Variants in SCAI observed in about 807,000 individuals in gnomAD.
SCAI encodes the protein protein SCAI.
A neutral mutation model predicts 92.2 loss-of-function variants in SCAI; 24 were observed. The ratio of observed to expected loss-of-function variants is 0.26; its 90% CI spans 0.19 to 0.37. The LOEUF (loss-of-function observed/expected upper bound fraction) is 0.37. Among genes scored for constraint, SCAI ranks in the 10% least tolerant of loss-of-function variants. SCAI has a pLI of 1.00. For missense variants in SCAI, 450 were observed against 736.2 expected, an observed-to-expected ratio of 0.61 and a Z score of 4.50; for synonymous variants, 261 against 258.6, an observed-to-expected ratio of 1.01 and a Z score of -0.09.
At chr9:125,125,095 C>T (rs1716132979) in intron 2 of SCAI, among the ~76,000 whole-genome samples, 1 of 152,138 alleles carries the variant, frequency 6.6e-6, no homozygotes. Flanking sequence ...GTGGCGCACA[C>T]CTGTAGTCCC....
intron 13 of SCAI, among the ~76,000 whole-genome samples, chr9:124,997,025 T>C (rs376459945): frequency 1.3e-5 from 2 of 152,290 alleles, no homozygotes; most frequent in South Asian, 4.1e-4. Context: ...ATCTCCCTAT[T>C]TTCCCCAATC....
At chr9:124,990,479 C>T (rs1832097085) in intron 14 of SCAI, among the ~76,000 whole-genome samples, 1 of 151,942 alleles carries the variant, frequency 6.6e-6, no homozygotes, top group African/African-American at 2.4e-5. Flanking sequence ...ACACAGCGAG[C>T]CTCCCTCTAA....
intron 2 of SCAI, among the ~76,000 whole-genome samples, chr9:125,075,477 C>T (rs1322795309): frequency 6.6e-6 from 1 of 151,762 alleles, no homozygotes; most frequent in Non-Finnish European, 1.5e-5. Flanking sequence ...CGGCTCACTG[C>T]AACCTCTGCT....
intron 14 of SCAI, among the ~76,000 whole-genome samples, chr9:124,976,671 C>T (rs1463050577): frequency 6.6e-6 from 1 of 152,120 alleles, no homozygotes. Flanking sequence ...AGCTGACACT[C>T]AAACTAAAGT....
At chr9:125,004,431 C>T (rs117026236) in intron 9 of SCAI, among the ~76,000 whole-genome samples, 1,812 of 150,488 alleles carry the variant, frequency 0.012, 92 homozygotes, top group Admixed American at 0.084. Flanking sequence ...CGTGTTCAAA[C>T]GATTCTCCTG....
At chr9:125,021,206 T>C (rs945940049) in intron 6 of SCAI, among the ~76,000 whole-genome samples, 9 of 152,200 alleles carry the variant, frequency 5.9e-5, no homozygotes, top group African/African-American at 2.2e-4. Flanking sequence ...CTAAAGAAAG[T>C]AATAAATGTT....
At chr9:124,986,265 TG>T (rs1469966247) in intron 14 of SCAI, among the ~76,000 whole-genome samples, 1 of 152,112 alleles carries the variant, frequency 6.6e-6, no homozygotes, top group East Asian at 1.9e-4. Flanking sequence ...CACTCCAGCC[TG>T]GGCAACAGAT....
intron 14 of SCAI, among the ~76,000 whole-genome samples, chr9:124,994,236 T>C (rs1009475954): frequency 3.9e-5 from 6 of 152,284 alleles, no homozygotes; most frequent in Admixed American, 2.6e-4. Context: ...GGTTTCTCCA[T>C]GTTGGTTAGG....
intron 15 of SCAI, among the ~76,000 whole-genome samples, chr9:124,973,670 C>CA (rs1236099071): frequency 4.0e-5 from 6 of 151,860 alleles, no homozygotes; most frequent in Non-Finnish European, 5.9e-5. Context: ...CATAAAAATA[C>CA]AAAAAAATTA....
At position 124,997,993 on chromosome 9, in the gene SCAI, C is replaced by T. The variant is rs558634071; in HGVS notation, c.1244+1898G>A. Among the ~76,000 whole-genome samples, 10 of 151,784 alleles carry T rather than the reference C, an allele frequency of 6.6e-5. No homozygotes were observed. In the South Asian group the frequency reaches 1.9e-3, roughly 28 times the overall value. On this transcript the variant is annotated intron_variant, in intron 13 of 17. Transcript: ENST00000336505. ...ATTTTTTTTTAAGTTTTTGTAGAGA[C>T]AGAGTCTCACTAAGTTGCCCAGGAT...
Position 125,024,565 on chromosome 9 carries a change from G to A in SCAI, c.512+2247C>T, listed in dbSNP as rs140159739. Among the ~76,000 whole-genome samples, 553 of 152,242 alleles carry A rather than the reference G, an allele frequency of 3.6e-3. 3 individuals carry two copies. Among genetic ancestry groups the A allele is most frequent in the Middle Eastern group, 0.017 (5 of 294 alleles). ...GCTGGGATTATAGGTGTGAGCCACT[G>A]TACCCGGCCATTTTTTTTAAGCTCT... On this transcript the variant is annotated intron_variant, in intron 6 of 17. Coordinates refer to ENST00000336505, the MANE Select transcript of SCAI (RefSeq NM_001144877.3).
intron 2 of SCAI, among the ~76,000 whole-genome samples, chr9:125,133,001 C>T (rs574851871): frequency 2.0e-5 from 3 of 151,958 alleles, no homozygotes; most frequent in Non-Finnish European, 4.4e-5. Context: ...TCCCATCCAA[C>T]CTATTATTCA....
At chr9:125,015,503 G>C (rs1318960590) in intron 9 of SCAI, among the ~76,000 whole-genome samples, 1 of 152,206 alleles carries the variant, frequency 6.6e-6, no homozygotes, top group Non-Finnish European at 1.5e-5. Flanking sequence ...ACACCAGTTA[G>C]AATGGCAATC....
intron 2 of SCAI, among the ~76,000 whole-genome samples, chr9:125,124,831 T>C (rs16927879): frequency 0.023 from 3,530 of 152,222 alleles, 146 homozygotes; most frequent in African/African-American, 0.081. Flanking sequence ...GAAAAAGAGT[T>C]TAAAGCCTGG....
rs145322634 is a variant in SCAI at position 124,963,704 on chromosome 9, C to T, written c.1674+7666G>A. 4.1e-3 allele frequency among the ~76,000 whole-genome samples: 558 copies of T among 135,182 alleles called. 4 individuals carry two copies. The highest frequency in any genetic ancestry group is 0.011 in the Middle Eastern group (3 of 262). The allele number at this position is 135,182 out of a possible 152,430, so 88.7% of individuals were successfully genotyped here. On this transcript the variant is annotated intron_variant, in intron 17 of 17. Transcript: ENST00000336505. Reference sequence around the variant, plus strand: ...GGTGCAGGTTGCAGTGAGCTGAGATCGCGCCACTGTGCTCCAGCCTTCCAA... The same window carrying T: ...GGTGCAGGTTGCAGTGAGCTGAGATTGCGCCACTGTGCTCCAGCCTTCCAA...
intron 14 of SCAI, among the ~76,000 whole-genome samples, chr9:124,992,981 T>A (rs543916872): frequency 1.3e-5 from 2 of 152,344 alleles, no homozygotes; most frequent in South Asian, 4.1e-4. Context: ...TGCTGAGAAG[T>A]GGTATCCAAT....
At chr9:125,072,715 C>A (rs919111481) in intron 2 of SCAI, among the ~76,000 whole-genome samples, 1 of 152,160 alleles carries the variant, frequency 6.6e-6, no homozygotes, top group Non-Finnish European at 1.5e-5. Context: ...TAGCCCCTGG[C>A]AGCCACCAAT....
intron 4 of SCAI, 146 bp from the exon 5 acceptor site, chr9:125,028,624 A>C: frequency 2.2e-6 from 1 of 454,222 alleles, no homozygotes; most frequent in South Asian, 4.3e-5. Context: ...CATTCCATTA[A>C]ATTTAAAAAG....
chr9:125,003,017 T>A, intron 11 of SCAI, 97 bp downstream of exon 11: 1 of 735,396 alleles, frequency 1.4e-6, no homozygotes. Context: ...TTTTATATTT[T>A]ACCTAAACTC....
Sources: gnomAD v4.1 joint callset for allele counts (sites outside exome capture counted in the v4.1 genomes callset) on GRCh38, gnomAD v4.1.1 for gene constraint, MANE v1.5 for transcripts, NCBI Gene and HGNC (gene_info 2026-07-23, HGNC 2026-07-21) for gene names.